Variants in SPIC observed in about 807,000 individuals in gnomAD.
The protein encoded by SPIC is transcription factor Spi-C.
Under a neutral mutation model 16.7 loss-of-function variants are expected in SPIC, and 9 were observed. The ratio of observed to expected loss-of-function variants is 0.54; its 90% CI spans 0.33 to 0.94. The LOEUF (loss-of-function observed/expected upper bound fraction) is 0.94. Among genes scored for constraint, SPIC ranks in the 40% least tolerant of loss-of-function variants. The probability of loss-of-function intolerance (pLI) is 0.03; values close to 1 mark genes in which losing one functional copy is unlikely to be tolerated. For synonymous variants in SPIC, 97 were observed against 102.9 expected, an observed-to-expected ratio of 0.94 and a Z score of 0.35; for missense variants, 241 against 285.8, an observed-to-expected ratio of 0.84 and a Z score of 1.13.
chr12:101,482,963 A>G, intron 5 of SPIC, 63 bp downstream of exon 5: 4 of 1,413,508 alleles, frequency 2.8e-6, no homozygotes, highest in Non-Finnish European at 3.9e-6. Flanking sequence ...AGCTGCTTTA[A>G]AGGGATTTTA....
Position 101,486,841 on chromosome 12 carries a change from TCTC to T in SPIC, c.*71_*73del. ...CAAGTTTTAATGATTTCTCCCTCCC[TCTC>T]TTTTTTTCCTCCTCTGAAGAAATTT... On this transcript the variant is annotated 3_prime_UTR_variant, in exon 6 of 6. Transcript: ENST00000551346. 7.7e-7 allele frequency: 1 copy of T among 1,295,472 alleles called. No individual in the cohort carries two copies. Among genetic ancestry groups the T allele is most frequent in the Non-Finnish European group, 1.0e-6 (1 of 966,008 alleles). The allele number at this position is 1,295,472 out of a possible 1,614,324, so 80.2% of individuals were successfully genotyped here. A position where few individuals can be genotyped will look rare whatever the true frequency, so the allele number is the denominator to read the frequency against.
At chr12:101,479,144 AAAAAGAAAG>A (rs1480374367) in intron 3 of SPIC, among the ~76,000 whole-genome samples, 2 of 149,182 alleles carry the variant, frequency 1.3e-5, no homozygotes, top group African/African-American at 2.5e-5. Flanking sequence ...CTTAAAAAAA[AAAAAGAAAG>A]AAAAGAAAGA....
In SPIC at chr12:101,486,789, AT is replaced by A; in HGVS notation, c.*19del. 6.7e-7 allele frequency: 1 copy of A among 1,502,398 alleles called. No homozygotes were observed. The highest frequency in any genetic ancestry group is 1.4e-5 in the South Asian group (1 of 72,334). The allele number at this position is 1,502,398 out of a possible 1,614,324, so 93.1% of individuals were successfully genotyped here. A position where few individuals can be genotyped will look rare whatever the true frequency, so the allele number is the denominator to read the frequency against. ...ATTGCTAAATATACTTTCATATTTC[AT>A]GGTTTACTGGCATCGGAAATCTCTA... On this transcript the variant is annotated 3_prime_UTR_variant, in exon 6 of 6. Transcript: ENST00000551346.
chr12:101,476,849 T>C lies in SPIC; in HGVS notation c.-56T>C. 1 of 1,246,306 alleles carries C rather than the reference T, an allele frequency of 8.0e-7. No homozygotes were observed. The highest frequency in any genetic ancestry group is 1.1e-6 in the Non-Finnish European group (1 of 922,958). The allele number at this position is 1,246,306 out of a possible 1,614,324, so 77.2% of individuals were successfully genotyped here. On this transcript the variant is annotated 5_prime_UTR_variant, in exon 2 of 6. Coordinates refer to ENST00000551346, the MANE Select transcript of SPIC (RefSeq NM_152323.3). ...TCAGGATTGTCAACTTATTTTATTT[T>C]ATTTTCTTCAAGCAACAATTGCTAA...
At chr12:101,483,092 T>G (rs1453849312) in intron 5 of SPIC, among the ~76,000 whole-genome samples, 192 bp downstream of exon 5, 1 of 151,040 alleles carries the variant, frequency 6.6e-6, no homozygotes, top group African/African-American at 2.4e-5. Flanking sequence ...CTGTGTTTTT[T>G]TTTTTTTTTT....
chr12:101,486,588 G>A lies in SPIC; in HGVS notation c.564G>A (p.Lys188=), dbSNP rs777707165. Residue 188 remains lysine (K), a synonymous_variant, in exon 6 of 6, where the codon AAG becomes AAA. Coordinates refer to ENST00000551346, the MANE Select transcript of SPIC (RefSeq NM_152323.3). Reference sequence around the variant, plus strand: ...GGGAAATTACCAAAATCCGGAGGAAGCTGACTTACCAGTTCAGTGAGGCCA... The same window carrying A: ...GGGAAATTACCAAAATCCGGAGGAAACTGACTTACCAGTTCAGTGAGGCCA... The part of the protein sequence containing the change: ...RSGEITKIRR[K]LTYQFSEAIL... The A allele has an allele frequency of 8.1e-6, 13 of 1,613,974 alleles. No individual in the cohort carries two copies. Among genetic ancestry groups the A allele is most frequent in the South Asian group, 1.1e-5 (1 of 91,082 alleles).
intron 5 of SPIC, among the ~76,000 whole-genome samples, chr12:101,483,347 C>T (rs1198329978): frequency 8.5e-5 from 13 of 152,124 alleles, no homozygotes; most frequent in Non-Finnish European, 1.5e-5. Flanking sequence ...CACATCTTGT[C>T]CCACTGGAAG....
In SPIC at chr12:101,486,561, T is replaced by C. The variant is rs752538998; in HGVS notation, c.537T>C (p.Ser179=). Residue 179 remains serine, a synonymous_variant, in exon 6 of 6, where the codon AGT becomes AGC. Coordinates refer to ENST00000551346, the MANE Select transcript of SPIC (RefSeq NM_152323.3). ...GGGCACTCAGAAATTACGGAAGAAG[T>C]GGGGAAATTACCAAAATCCGGAGGA... ...MARALRNYGR[S]GEITKIRRKL... 3.1e-6 allele frequency: 5 copies of C among 1,613,948 alleles called. No individual in the cohort carries two copies. The highest frequency in any genetic ancestry group is 1.3e-5 in the African/African-American group (1 of 74,870).
Position 101,482,965 on chromosome 12 carries a change from G to C in SPIC, c.319+65G>C. On this transcript the variant is annotated intron_variant, in intron 5 of 5. Coordinates refer to ENST00000551346, the MANE Select transcript of SPIC (RefSeq NM_152323.3). Reference sequence around the variant, plus strand: ...AGATCTTCCTCATAGCTGCTTTAAAGGGATTTTATAACTGAGTTTGGAATT... The same window carrying C: ...AGATCTTCCTCATAGCTGCTTTAAACGGATTTTATAACTGAGTTTGGAATT... The C allele has an allele frequency of 1.4e-6, 2 of 1,407,258 alleles. 1 individual carries two copies. The highest frequency in any genetic ancestry group is 2.5e-5 in the South Asian group (2 of 81,294). 87.2% of individuals were successfully genotyped at this position (1,407,258 alleles called of 1,614,324 possible). A position where few individuals can be genotyped will look rare whatever the true frequency, so the allele number is the denominator to read the frequency against.
chr12:101,485,238 A>G (rs866439971), intron 5 of SPIC, among the ~76,000 whole-genome samples: 2 of 152,244 alleles, frequency 1.3e-5, no homozygotes, highest in Non-Finnish European at 2.9e-5. Flanking sequence ...CTACTGACAG[A>G]TCTGGCAGAG....
In SPIC at chr12:101,479,215, AGAAAGAAG is replaced by A. The variant is rs1185303732; in HGVS notation, c.98-359_98-352del. On this transcript the variant is annotated intron_variant, in intron 3 of 5. Transcript: ENST00000551346. ...AAGAAAGAAAGAAAGAAAGAAAGAAAGAAAGAAGGAAAGAAAGAAAGAAAGAAAAAGAA... is the reference window on the plus strand; with the variant it reads ...AAGAAAGAAAGAAAGAAAGAAAGAAAGAAAGAAAGAAAGAAAGAAAAAGAA... 1.2e-4 allele frequency among the ~76,000 whole-genome samples: 14 copies of A among 121,000 alleles called. 1 individual carries two copies. The highest frequency in any genetic ancestry group is 6.5e-4 in the East Asian group (3 of 4,626). The allele number at this position is 121,000 out of a possible 152,430, so 79.4% of individuals were successfully genotyped here.
chr12:101,486,500 G>A lies in SPIC; in HGVS notation c.476G>A (p.Gly159Asp). 1 of 1,614,130 alleles carries A rather than the reference G, an allele frequency of 6.2e-7. No homozygotes were observed. Among genetic ancestry groups the A allele is most frequent in the Non-Finnish European group, 8.5e-7 (1 of 1,180,012 alleles). Reference sequence around the variant, plus strand: ...GCCGAGCTTTGGGGGAAAAGAAAAGGCAACAGGAAGACCATGACTTACCAG... The same window carrying A: ...GCCGAGCTTTGGGGGAAAAGAAAAGACAACAGGAAGACCATGACTTACCAG... ...KLAELWGKRK[G>D]NRKTMTYQKM... Residue 159 changes from glycine (G) to aspartate (D), a missense_variant, in exon 6 of 6, where the codon GGC becomes GAC. By Grantham distance (94) the Gly-to-Asp change is moderately conservative. Coordinates refer to ENST00000551346, the MANE Select transcript of SPIC (RefSeq NM_152323.3).
At chr12:101,481,854 C>T (rs558606031) in intron 4 of SPIC, among the ~76,000 whole-genome samples, 23 of 148,606 alleles carry the variant, frequency 1.5e-4, no homozygotes, top group African/African-American at 3.9e-4. Context: ...GGTTTCACCA[C>T]GTTGGCCAGG....
chr12:101,482,840 C>A lies in SPIC; in HGVS notation c.259C>A (p.Gln87Lys). ...TGAAGGAAATATTCATCAATCTCTGCAGAACATAACTGAAAACCAGCTGGT... is the reference window on the plus strand; with the variant it reads ...TGAAGGAAATATTCATCAATCTCTGAAGAACATAACTGAAAACCAGCTGGT... ...YFEGNIHQSL[Q>K]NITENQLVQP... The change falls in exon 5 of 6, where the codon CAG (glutamine) becomes AAG (lysine). Residue 87 changes from glutamine (Q) to lysine (K), a missense_variant. By Grantham distance (53) the Gln-to-Lys change is moderately conservative (BLOSUM62 1). Transcript: ENST00000551346. 3 of 1,614,054 alleles carry A rather than the reference C, an allele frequency of 1.9e-6. No individual in the cohort carries two copies. The South Asian group carries it at 3.3e-5, about 18-fold the overall frequency.
intron 1 of SPIC, 46 bp from the exon 2 acceptor site, chr12:101,476,782 T>C (rs1274816335): frequency 4.0e-6 from 2 of 505,478 alleles, no homozygotes; most frequent in Non-Finnish European, 6.6e-6. Flanking sequence ...AGAATCAAAT[T>C]AGAGACTGCA....
chr12:101,482,951 A>G (rs1485639708), intron 5 of SPIC, 51 bp downstream of exon 5: 2 of 1,489,016 alleles, frequency 1.3e-6, no homozygotes, highest in South Asian at 1.2e-5. Flanking sequence ...GATCTTCCTC[A>G]TAGCTGCTTT....
At chr12:101,482,275 G>A (rs1385933235) in intron 4 of SPIC, among the ~76,000 whole-genome samples, 1 of 150,894 alleles carries the variant, frequency 6.6e-6, no homozygotes, top group Non-Finnish European at 1.5e-5. Context: ...TCTCTAAGTT[G>A]CCCAGGCTGG....
At position 101,477,545 on chromosome 12, in the gene SPIC, A is replaced by C. The variant is rs375460533; in HGVS notation, c.4-13A>C. ...AATTCGAAAACTCCAGAATTCTATCATTGTTCCAACAGACGTGTGTTGAAC... is the reference window on the plus strand; with the variant it reads ...AATTCGAAAACTCCAGAATTCTATCCTTGTTCCAACAGACGTGTGTTGAAC... On this transcript the variant is annotated splice_polypyrimidine_tract_variant and intron_variant, in intron 2 of 5. Coordinates refer to ENST00000551346, the MANE Select transcript of SPIC (RefSeq NM_152323.3). 1.2e-6 allele frequency: 2 copies of C among 1,612,300 alleles called. No homozygotes were observed. The highest frequency in any genetic ancestry group is 2.7e-5 in the African/African-American group (2 of 74,900).
At chr12:101,483,300 C>G (rs1308841613) in intron 5 of SPIC, among the ~76,000 whole-genome samples, 1 of 152,040 alleles carries the variant, frequency 6.6e-6, no homozygotes, top group East Asian at 1.9e-4. Context: ...CTAGGAGTAA[C>G]AGTGACAGGA....
Sources: gnomAD v4.1 joint callset for allele counts (sites outside exome capture counted in the v4.1 genomes callset) on GRCh38, gnomAD v4.1.1 for gene constraint, MANE v1.5 for transcripts, NCBI Gene and HGNC (gene_info 2026-07-23, HGNC 2026-07-21) for gene names.